The following PCDHGA11 variants were observed in gnomAD, a reference collection of about 807,000 sequenced individuals.
PCDHGA11 encodes the protein protocadherin gamma subfamily A, 11, also known as protocadherin gamma-A11.
PCDHGA11 carries 39 observed loss-of-function variants against 60.4 expected under a neutral mutation model. That is an observed-to-expected ratio of 0.65 (90% CI 0.50 to 0.84). The LOEUF (loss-of-function observed/expected upper bound fraction) is 0.84, where lower values mean the gene tolerates loss of function less well. PCDHGA11 is among the 40% of genes least tolerant of loss of function. The pLI is 0.00. For missense variants in PCDHGA11, 1,165 were observed against 1,197.7 expected (o/e 0.97, Z 0.40); for synonymous variants, 533 against 510.3 (o/e 1.04, Z -0.60).
chr5:141,430,666 G>A (rs2097301396), intron 1 of PCDHGA11: 1 of 1,222,518 alleles, frequency 8.2e-7, no homozygotes, highest in Admixed American at 2.7e-5. Flanking sequence ...GAGGAGCTCT[G>A]ACTTCCCAAC....
chr5:141,467,296 A>G lies in PCDHGA11; in HGVS notation c.2434-27511A>G, dbSNP rs1032802325. Among the ~76,000 whole-genome samples the G allele has an allele frequency of 6.6e-5, 10 of 151,858 alleles. No individual in the cohort carries two copies. The East Asian group carries it at 9.7e-4, about 15-fold the overall frequency. On this transcript the variant is annotated intron_variant, in intron 1 of 3. Transcript: ENST00000398587. The stretch of plus-strand genomic sequence containing the variant: ...TCGAACTCTTGACCTCAAGTGATCC[A>G]CTCACCTCGGCCTCCCACAGTGCTG...
chr5:141,436,068 T>A (rs1343785335), intron 1 of PCDHGA11, among the ~76,000 whole-genome samples: 1 of 152,190 alleles, frequency 6.6e-6, no homozygotes, highest in Non-Finnish European at 1.5e-5. Flanking sequence ...ATTTAATAAG[T>A]ACAGTGTTCT....
chr5:141,492,425 C>T (rs1243599547), intron 1 of PCDHGA11, among the ~76,000 whole-genome samples: 1 of 152,254 alleles, frequency 6.6e-6, no homozygotes, highest in Non-Finnish European at 1.5e-5. Flanking sequence ...CTCCGCCGGG[C>T]TCAGGAGTAC....
chr5:141,498,848 G>A (rs930895553), intron 2 of PCDHGA11, among the ~76,000 whole-genome samples: 3 of 151,908 alleles, frequency 2.0e-5, no homozygotes, highest in Non-Finnish European at 4.4e-5. Context: ...CAGGGGAATC[G>A]CTTGAACCCA....
At chr5:141,447,433 C>T (rs756021616) in intron 1 of PCDHGA11, among the ~76,000 whole-genome samples, 5 of 152,118 alleles carry the variant, frequency 3.3e-5, no homozygotes, top group African/African-American at 7.2e-5. Context: ...CCACCGCACC[C>T]GGAGGAAATT....
chr5:141,489,246 G>A lies in PCDHGA11; in HGVS notation c.2434-5561G>A, dbSNP rs141115698. On this transcript the variant is annotated intron_variant, in intron 1 of 3. Coordinates refer to ENST00000398587, the MANE Select transcript of PCDHGA11 (RefSeq NM_018914.3). The surrounding 1 kb of genome is among the most constrained non-coding windows in gnomAD (Gnocchi z 4.5). Reference sequence around the variant, plus strand: ...CACAAAGGGACTTCTGGGTCATGGGGCCCAAGACACTCCCACAGCTCGCTG... The same window carrying A: ...CACAAAGGGACTTCTGGGTCATGGGACCCAAGACACTCCCACAGCTCGCTG... 750 of 1,544,746 alleles carry A rather than the reference G, an allele frequency of 4.9e-4. No homozygotes were observed. The highest frequency in any genetic ancestry group is 6.3e-4 in the Non-Finnish European group (726 of 1,145,538).
rs2099624499 is a variant in PCDHGA11, at chr5:141,486,100, C to A, written c.2434-8707C>A. The A allele has an allele frequency of 6.2e-7, 1 of 1,614,072 alleles. No homozygotes were observed. The highest frequency in any genetic ancestry group is 1.3e-5 in the African/African-American group (1 of 74,930). ...AGCTTACTCTTTTGGGGCCCCTAGA[C>A]TTTGAGAGTGAGAATTACTATGAAT... On this transcript the variant is annotated intron_variant, in intron 1 of 3. Coordinates refer to ENST00000398587, the MANE Select transcript of PCDHGA11 (RefSeq NM_018914.3). This position sits in a 1 kb window ranked among gnomAD's most constrained non-coding sequence, Gnocchi z 5.0.
chr5:141,478,249 A>T, intron 1 of PCDHGA11: 1 of 1,614,110 alleles, frequency 6.2e-7, no homozygotes, highest in African/African-American at 1.3e-5. Context: ...CAGTGTTCGG[A>T]GTAATCATAT....
rs781651287 is a variant in PCDHGA11, at chr5:141,505,380, A to G, written c.2493-13A>G. ...CCTGGGAGTCTGTGCTCACCATCCT[A>G]CTCTCTCCCCAGCTCCCAAAATGGC... On this transcript the variant is annotated splice_polypyrimidine_tract_variant and intron_variant, in intron 2 of 3. Transcript: ENST00000398587. The G allele has an allele frequency of 4.3e-6, 7 of 1,613,362 alleles. No homozygotes were observed. The African/African-American group carries it at 5.4e-5, about 12-fold the overall frequency.
In PCDHGA11 at chr5:141,486,223, C is replaced by G. The variant is rs1164723634; in HGVS notation, c.2434-8584C>G. ...ACGTAAATGACAATGCCCCTTACATCACAGTGACCTCAGAGCTTGGAACCC... is the reference window on the plus strand; with the variant it reads ...ACGTAAATGACAATGCCCCTTACATGACAGTGACCTCAGAGCTTGGAACCC... On this transcript the variant is annotated intron_variant, in intron 1 of 3. Coordinates refer to ENST00000398587, the MANE Select transcript of PCDHGA11 (RefSeq NM_018914.3). The surrounding 1 kb of genome is among the most constrained non-coding windows in gnomAD (Gnocchi z 5.0). The G allele has an allele frequency of 6.2e-7, 1 of 1,614,148 alleles. No homozygotes were observed. Among genetic ancestry groups the G allele is most frequent in the Admixed American group, 1.7e-5 (1 of 60,032 alleles).
chr5:141,476,264 G>T lies in PCDHGA11; in HGVS notation c.2434-18543G>T, dbSNP rs753184649. On this transcript the variant is annotated intron_variant, in intron 1 of 3. Coordinates refer to ENST00000398587, the MANE Select transcript of PCDHGA11 (RefSeq NM_018914.3). This position sits in a 1 kb window ranked among gnomAD's most constrained non-coding sequence, Gnocchi z 7.6. ...AGAGAAGGGTTTCGCTGTGGGCAAC[G>T]TGGTCGCGAACCTTGGTTTGGATCT... The T allele has an allele frequency of 5.0e-6, 8 of 1,613,964 alleles. No individual in the cohort carries two copies. In the African/African-American group the frequency reaches 8.0e-5, roughly 16 times the overall value.
rs111842066 is a variant in PCDHGA11, at chr5:141,486,269, G to A, written c.2434-8538G>A. 6.2e-7 allele frequency: 1 copy of A among 1,613,996 alleles called. No homozygotes were observed. Reference sequence around the variant, plus strand: ...AACCCTCCCCGAGAGTGCAGAACCTGGCACTGTGGTGGCACTTATCAGTGT... The same window carrying A: ...AACCCTCCCCGAGAGTGCAGAACCTAGCACTGTGGTGGCACTTATCAGTGT... On this transcript the variant is annotated intron_variant, in intron 1 of 3. Transcript: ENST00000398587. This position sits in a 1 kb window ranked among gnomAD's most constrained non-coding sequence, Gnocchi z 5.0.
chr5:141,427,377 A>C, intron 1 of PCDHGA11: 1 of 458,500 alleles, frequency 2.2e-6, no homozygotes, highest in Non-Finnish European at 4.4e-6. Flanking sequence ...GACGGTGATC[A>C]CTCTGTTCAA....
chr5:141,423,970 A>C, intron 1 of PCDHGA11: 1 of 1,143,228 alleles, frequency 8.7e-7, no homozygotes, highest in Non-Finnish European at 1.1e-6. Flanking sequence ...TTCTATTATC[A>C]GTGTATGAGG....
intron 1 of PCDHGA11, among the ~76,000 whole-genome samples, chr5:141,469,392 T>C (rs2099199760): frequency 6.6e-6 from 1 of 152,046 alleles, no homozygotes; most frequent in South Asian, 2.1e-4. Flanking sequence ...CTGGCCAACA[T>C]GGTGAAACCC....
At position 141,422,357 on chromosome 5, in the gene PCDHGA11, C is replaced by G; in HGVS notation, c.1130C>G (p.Ser377Cys). The G allele has an allele frequency of 6.4e-7, 1 of 1,557,656 alleles. No homozygotes were observed. The highest frequency in any genetic ancestry group is 1.4e-5 in the African/African-American group (1 of 72,672). Residue 377 changes from serine to cysteine, a missense_variant, in exon 1 of 4, where the codon TCT becomes TGT. Physicochemically the swap from Ser to Cys is moderately radical, Grantham distance 112 (BLOSUM62 -1). Coordinates refer to ENST00000398587, the MANE Select transcript of PCDHGA11 (RefSeq NM_018914.3). ...IALLNVQDQDSGENGQVSCFI... is the reference protein window; with the variant it reads ...IALLNVQDQDCGENGQVSCFI... ...CTTCTAAATGTGCAAGATCAAGATT[C>G]TGGAGAAAATGGTCAAGTCTCCTGT...
intron 1 of PCDHGA11, among the ~76,000 whole-genome samples, chr5:141,483,517 CCTGA>C (rs72004558): frequency 0.16 from 24,470 of 151,950 alleles, 2,064 homozygotes; most frequent in African/African-American, 0.21. Context: ...CCCCCTAGAT[CCTGA>C]CTAAGGAAGC....
intron 1 of PCDHGA11, among the ~76,000 whole-genome samples, chr5:141,453,692 C>G (rs1182118927): frequency 6.6e-6 from 1 of 152,146 alleles, no homozygotes; most frequent in African/African-American, 2.4e-5. Flanking sequence ...GTAGGTAGTC[C>G]TGGCTTTGAA....
rs1236961370 is a variant in PCDHGA11, at chr5:141,512,621, C to T, written c.*1448C>T. 1 of 152,964 alleles carries T rather than the reference C, an allele frequency of 6.5e-6. No homozygotes were observed. The highest frequency in any genetic ancestry group is 1.5e-5 in the Non-Finnish European group (1 of 68,612). 9.5% of individuals were successfully genotyped at this position (152,964 alleles called of 1,614,324 possible). A position where few individuals can be genotyped will look rare whatever the true frequency, so the allele number is the denominator to read the frequency against. Reference sequence around the variant, plus strand: ...CCATCCAGCGGGGCTGCCAGAGAACCCCAGACCTGCCCTTACAGTAGTGTA... The same window carrying T: ...CCATCCAGCGGGGCTGCCAGAGAACTCCAGACCTGCCCTTACAGTAGTGTA... On this transcript the variant is annotated 3_prime_UTR_variant, in exon 4 of 4. Coordinates refer to ENST00000398587, the MANE Select transcript of PCDHGA11 (RefSeq NM_018914.3).
Sources: gnomAD v4.1 joint callset for allele counts (sites outside exome capture counted in the v4.1 genomes callset) on GRCh38, gnomAD v4.1.1 for gene constraint, Gnocchi (gnomAD v3.1) non-coding constraint, MANE v1.5 for transcripts, NCBI Gene and HGNC (gene_info 2026-07-23, HGNC 2026-07-21) for gene names.